The following ADCY1 variants were observed in gnomAD, a reference collection of about 807,000 sequenced individuals.
The protein encoded by ADCY1 is adenylate cyclase type 1.
A neutral mutation model predicts 105.4 loss-of-function variants in ADCY1; 28 were observed. The observed-to-expected ratio is 0.27, with a 90% CI of 0.20 to 0.36. ADCY1 has a LOEUF of 0.36. Among genes scored for constraint, ADCY1 ranks in the 10% least tolerant of loss-of-function variants. The pLI is 1.00. For synonymous variants in ADCY1, 655 were observed against 623.8 expected (o/e 1.05, Z -0.75); for missense variants, 977 against 1,434.2 (o/e 0.68, Z 5.15).
chr7:45,653,659 T>G (rs946818927), intron 5 of ADCY1, among the ~76,000 whole-genome samples: 3 of 152,174 alleles, frequency 2.0e-5, no homozygotes, highest in Non-Finnish European at 4.4e-5. Context: ...GGGCCTGGCT[T>G]GGGGGATACT....
At chr7:45,581,992 G>A (rs1305863829) in intron 1 of ADCY1, among the ~76,000 whole-genome samples, 1 of 152,020 alleles carries the variant, frequency 6.6e-6, no homozygotes, top group African/African-American at 2.4e-5. Context: ...ATACCCACTT[G>A]CGTGCATGCA....
At position 45,710,771 on chromosome 7, in the gene ADCY1, A is replaced by G. The variant is rs889532089; in HGVS notation, c.3057+119A>G. ...AGCCCGTAAGTGGCAGGGCAGAAAGAGCTGCATATTTCGGTCTGTCTGCTC... is the reference window on the plus strand; with the variant it reads ...AGCCCGTAAGTGGCAGGGCAGAAAGGGCTGCATATTTCGGTCTGTCTGCTC... On this transcript the variant is annotated intron_variant, in intron 19 of 19. Transcript: ENST00000297323. This position sits in a 1 kb window ranked among gnomAD's most constrained non-coding sequence, Gnocchi z 4.7. 1 of 1,349,502 alleles carries G rather than the reference A, an allele frequency of 7.4e-7. No individual in the cohort carries two copies. The allele number at this position is 1,349,502 out of a possible 1,614,324, so 83.6% of individuals were successfully genotyped here. A position where few individuals can be genotyped will look rare whatever the true frequency, so the allele number is the denominator to read the frequency against.
chr7:45,687,887 T>G (rs1784714869), intron 14 of ADCY1, among the ~76,000 whole-genome samples: 1 of 152,158 alleles, frequency 6.6e-6, no homozygotes, highest in Non-Finnish European at 1.5e-5. Flanking sequence ...ACCCTAGTCC[T>G]ACTCTGCAGT....
In ADCY1 at chr7:45,585,008, A is replaced by G. The variant is rs1305059418; in HGVS notation, c.640-7751A>G. On this transcript the variant is annotated intron_variant, in intron 1 of 19. Coordinates refer to ENST00000297323, the MANE Select transcript of ADCY1 (RefSeq NM_021116.4). ...GTGGCAGTGAGCATTCTGGTTGGTC[A>G]CCTCGGTGTGCACCATGTGCCAGCC... Among the ~76,000 whole-genome samples, 5 of 152,136 alleles carry G rather than the reference A, an allele frequency of 3.3e-5. No homozygotes were observed. In the East Asian group the frequency reaches 9.7e-4, roughly 29 times the overall value.
chr7:45,706,965 T>C (rs1785134748), intron 17 of ADCY1, among the ~76,000 whole-genome samples: 1 of 152,348 alleles, frequency 6.6e-6, no homozygotes, highest in South Asian at 2.1e-4. Flanking sequence ...TGCTCAGCAT[T>C]GTATGTTTTT....
intron 1 of ADCY1, among the ~76,000 whole-genome samples, chr7:45,581,240 C>T (rs1364502674): frequency 1.3e-5 from 2 of 152,160 alleles, no homozygotes; most frequent in Non-Finnish European, 2.9e-5. Context: ...GGAGGCGTTC[C>T]CTGTCCTCCC....
intron 14 of ADCY1, among the ~76,000 whole-genome samples, chr7:45,697,896 G>A (rs944322345): frequency 7.9e-5 from 12 of 152,074 alleles, no homozygotes; most frequent in African/African-American, 1.4e-4. Context: ...CACCACCGCC[G>A]GTCCCAGCAT....
chr7:45,633,197 C>A (rs1038782612), intron 4 of ADCY1, among the ~76,000 whole-genome samples: 2 of 152,216 alleles, frequency 1.3e-5, no homozygotes, highest in Non-Finnish European at 2.9e-5. Flanking sequence ...GTATTACAGG[C>A]GTAAGTCACA....
chr7:45,612,886 C>T (rs886083150), intron 3 of ADCY1, among the ~76,000 whole-genome samples: 3 of 152,102 alleles, frequency 2.0e-5, no homozygotes, highest in African/African-American at 7.2e-5. Context: ...ACAGAATGAA[C>T]AGACAAAAAT....
intron 14 of ADCY1, among the ~76,000 whole-genome samples, chr7:45,687,971 A>C (rs1445095742): frequency 1.3e-5 from 2 of 152,230 alleles, no homozygotes; most frequent in Non-Finnish European, 2.9e-5. Context: ...GGTGCCCAGG[A>C]GGAAGCGTGG....
At chr7:45,582,154 G>A (rs566105686) in intron 1 of ADCY1, among the ~76,000 whole-genome samples, 7 of 152,230 alleles carry the variant, frequency 4.6e-5, no homozygotes, top group South Asian at 2.1e-4. Flanking sequence ...ATGCACACTC[G>A]TAAACTAATG....
intron 6 of ADCY1, among the ~76,000 whole-genome samples, chr7:45,658,419 T>C (rs145741219): frequency 3.9e-4 from 60 of 152,224 alleles, no homozygotes; most frequent in African/African-American, 1.4e-3. Context: ...CTCAGCCTTG[T>C]CTTGAGGAAG....
intron 2 of ADCY1, 111 bp from the exon 3 acceptor site, chr7:45,610,268 G>A (rs1013406136): frequency 1.1e-5 from 10 of 888,050 alleles, no homozygotes; most frequent in Admixed American, 1.1e-4. Flanking sequence ...AGCCCTGGAC[G>A]TGGGCCTACC....
chr7:45,575,576 C>T lies in ADCY1; in HGVS notation c.639+394C>T, dbSNP rs555345101. ...GGAGAGCAGACCCCCAGGGCAAGCTCCAAGGCCGGCTCTGCGCGCAGCGCT... is the reference window on the plus strand; with the variant it reads ...GGAGAGCAGACCCCCAGGGCAAGCTTCAAGGCCGGCTCTGCGCGCAGCGCT... On this transcript the variant is annotated intron_variant, in intron 1 of 19. Coordinates refer to ENST00000297323, the MANE Select transcript of ADCY1 (RefSeq NM_021116.4). The surrounding 1 kb of genome is among the most constrained non-coding windows in gnomAD (Gnocchi z 4.7). 6.6e-6 allele frequency among the ~76,000 whole-genome samples: 1 copy of T among 152,390 alleles called. No homozygotes were observed. The highest frequency in any genetic ancestry group is 6.5e-5 in the Admixed American group (1 of 15,314).
chr7:45,689,911 C>T (rs1413478593), intron 14 of ADCY1, among the ~76,000 whole-genome samples: 1 of 152,216 alleles, frequency 6.6e-6, no homozygotes, highest in Non-Finnish European at 1.5e-5. Flanking sequence ...AGAGGGAATT[C>T]TTCAGCAAAA....
chr7:45,669,044 G>A (rs1784316965), intron 8 of ADCY1, among the ~76,000 whole-genome samples: 1 of 152,024 alleles, frequency 6.6e-6, no homozygotes, highest in African/African-American at 2.4e-5. Flanking sequence ...AGTCTTGCTA[G>A]CGGTCTATCA....
chr7:45,654,845 T>G (rs1426107566), intron 5 of ADCY1, among the ~76,000 whole-genome samples: 1 of 152,116 alleles, frequency 6.6e-6, no homozygotes, highest in Non-Finnish European at 1.5e-5. Flanking sequence ...AGAAGCTGCA[T>G]TTTTACAGTT....
intron 8 of ADCY1, among the ~76,000 whole-genome samples, chr7:45,675,154 A>G (rs199995761): frequency 1.3e-5 from 2 of 151,846 alleles, no homozygotes; most frequent in East Asian, 3.9e-4. Context: ...TATGTGAGCA[A>G]TTTTTAGAAT....
chr7:45,681,807 G>C (rs1784561056), intron 11 of ADCY1, among the ~76,000 whole-genome samples: 1 of 152,214 alleles, frequency 6.6e-6, no homozygotes, highest in African/African-American at 2.4e-5. Flanking sequence ...CCAGCAGAAG[G>C]CCATTGTGGC....
Sources: gnomAD v4.1 joint callset for allele counts (sites outside exome capture counted in the v4.1 genomes callset) on GRCh38, gnomAD v4.1.1 for gene constraint, Gnocchi (gnomAD v3.1) non-coding constraint, MANE v1.5 for transcripts, NCBI Gene and HGNC (gene_info 2026-07-23, HGNC 2026-07-21) for gene names.